PTPRN2: variants seen among roughly 807,000 people sequenced by gnomAD.
PTPRN2 encodes protein tyrosine phosphatase receptor type N2.
Under a neutral mutation model 118.8 loss-of-function variants are expected in PTPRN2, and 74 were observed. That is an observed-to-expected ratio of 0.62 (90% CI 0.52 to 0.76). PTPRN2 has a LOEUF of 0.76. Among genes scored for constraint, PTPRN2 ranks in the 30% least tolerant of loss-of-function variants. The pLI, the probability that PTPRN2 is intolerant of heterozygous loss-of-function variation, is 0.00. For missense variants in PTPRN2, 1,481 were observed against 1,394.4 expected (o/e 1.06, Z -0.99); for synonymous variants, 641 against 608.0 (o/e 1.05, Z -0.80).
chr7:158,270,495 C>T (rs956662856), intron 3 of PTPRN2, among the ~76,000 whole-genome samples: 2 of 152,090 alleles, frequency 1.3e-5, no homozygotes, highest in Non-Finnish European at 2.9e-5. Flanking sequence ...CCATAACGTG[C>T]CCCCGACCCC....
chr7:158,192,204 T>A, intron 5 of PTPRN2, 123 bp downstream of exon 5: 2 of 1,159,308 alleles, frequency 1.7e-6, no homozygotes, highest in South Asian at 2.2e-5. Context: ...GTTCACAGGA[T>A]GCCCGCTGGC....
At chr7:158,493,307 T>C (rs1350558919) in intron 1 of PTPRN2, among the ~76,000 whole-genome samples, 1 of 152,086 alleles carries the variant, frequency 6.6e-6, no homozygotes, top group Non-Finnish European at 1.5e-5. Flanking sequence ...ATGCATGCAG[T>C]CATGCCCATT....
chr7:158,322,074 C>T (rs1057166900), intron 2 of PTPRN2, among the ~76,000 whole-genome samples: 1 of 152,170 alleles, frequency 6.6e-6, no homozygotes, highest in Non-Finnish European at 1.5e-5. Flanking sequence ...TCATCTCTGT[C>T]CCCAGCATTG....
In PTPRN2 at chr7:157,576,631, G is replaced by C. The variant is rs1195381388; in HGVS notation, c.2765C>G (p.Ser922Cys). 1 of 1,612,350 alleles carries C rather than the reference G, an allele frequency of 6.2e-7. No homozygotes were observed. The highest frequency in any genetic ancestry group is 8.5e-7 in the Non-Finnish European group (1 of 1,179,246). The change falls in exon 19 of 23, where the codon TCC becomes TGC. Residue 922 changes from serine (S) to cysteine (C), a missense_variant. Physicochemically the swap from Ser to Cys is moderately radical, Grantham distance 112. Transcript: ENST00000389418. ...GTCATACCTGCGGAAGTCCAGGAGG[G>C]ACCTTGAGGAGGAAGGGACTCCTCG... Reference protein sequence around the residue: ...YDRGVPSSSRSLLDFRRKVNK... With the variant: ...YDRGVPSSSRCLLDFRRKVNK...
intron 11 of PTPRN2, among the ~76,000 whole-genome samples, chr7:157,937,855 C>T (rs1042929144): frequency 6.6e-6 from 1 of 152,200 alleles, no homozygotes; most frequent in African/African-American, 2.4e-5. Context: ...TGACGTGAGC[C>T]CCAGGACAGT....
chr7:157,732,042 G>GC (rs553532366), intron 12 of PTPRN2, among the ~76,000 whole-genome samples: 7 of 66,618 alleles, frequency 1.1e-4, no homozygotes, highest in African/African-American at 3.4e-4. Context: ...TCCGCCCCAT[G>GC]GCCCAGCACA....
At chr7:158,421,926 G>A (rs1457679695) in intron 2 of PTPRN2, among the ~76,000 whole-genome samples, 2 of 152,304 alleles carry the variant, frequency 1.3e-5, no homozygotes, top group East Asian at 3.9e-4. Context: ...TGAACAACTT[G>A]GGCCCACCTT....
At chr7:157,978,716 C>G (rs1802924809) in intron 11 of PTPRN2, among the ~76,000 whole-genome samples, 1 of 151,962 alleles carries the variant, frequency 6.6e-6, no homozygotes, top group Non-Finnish European at 1.5e-5. Flanking sequence ...TCCCCCACTT[C>G]CCTCTGGGAC....
In PTPRN2 at chr7:157,560,198, C is replaced by T. The variant is rs1799115697; in HGVS notation, c.2902+8704G>A. 6.6e-6 allele frequency among the ~76,000 whole-genome samples: 1 copy of T among 152,188 alleles called. No individual in the cohort carries two copies. Among genetic ancestry groups the T allele is most frequent in the Non-Finnish European group, 1.5e-5 (1 of 68,022 alleles). ...CCCCTGCAGCCAGGCTATGTGAACC[C>T]TGGCTCAGCAGGGTCAGCCTGACCC... On this transcript the variant is annotated intron_variant, in intron 21 of 22. Coordinates refer to ENST00000389418, the MANE Select transcript of PTPRN2 (RefSeq NM_002847.5). This position sits in a 1 kb window ranked among gnomAD's most constrained non-coding sequence, Gnocchi z 6.7.
At chr7:157,769,869 G>A (rs535613304) in intron 12 of PTPRN2, among the ~76,000 whole-genome samples, 7 of 152,264 alleles carry the variant, frequency 4.6e-5, no homozygotes, top group African/African-American at 9.6e-5. Context: ...CCTGCCACCC[G>A]CCCCTTTGCA....
intron 2 of PTPRN2, among the ~76,000 whole-genome samples, chr7:158,391,588 C>T (rs964918814): frequency 6.6e-6 from 1 of 152,154 alleles, no homozygotes; most frequent in African/African-American, 2.4e-5. Flanking sequence ...GGAGGAGAGG[C>T]CTTCCCACAT....
intron 3 of PTPRN2, among the ~76,000 whole-genome samples, chr7:158,312,578 C>T (rs1268199646): frequency 6.6e-6 from 1 of 151,594 alleles, no homozygotes; most frequent in African/African-American, 2.4e-5. Context: ...AACCTCCCTA[C>T]TCAAACACTC....
chr7:158,367,595 G>A (rs1274903871), intron 2 of PTPRN2, among the ~76,000 whole-genome samples: 2 of 152,174 alleles, frequency 1.3e-5, no homozygotes, highest in African/African-American at 4.8e-5. Flanking sequence ...CTCCGCGGGC[G>A]AAGGATGACG....
In PTPRN2 at chr7:157,771,723, A is replaced by T. The variant is rs55729435; in HGVS notation, c.1789-88786T>A. ...AACACACAGACACACACGAACACAC[A>T]CAGACGCACAAACAGACGCAGATAC... is the stretch of plus-strand genomic sequence containing the variant. On this transcript the variant is annotated intron_variant, in intron 12 of 22. Coordinates refer to ENST00000389418, the MANE Select transcript of PTPRN2 (RefSeq NM_002847.5). Among the ~76,000 whole-genome samples the T allele has an allele frequency of 3.3e-3, 497 of 152,068 alleles. 3 individuals carry two copies. The highest frequency in any genetic ancestry group is 0.011 in the African/African-American group (471 of 41,456).
intron 3 of PTPRN2, among the ~76,000 whole-genome samples, chr7:158,279,416 G>C (rs1371162642): frequency 6.6e-6 from 1 of 152,124 alleles, no homozygotes; most frequent in Non-Finnish European, 1.5e-5. Context: ...CCTCTCACTG[G>C]TACTCGCTGC....
At chr7:157,717,409 G>A (rs941413989) in intron 12 of PTPRN2, among the ~76,000 whole-genome samples, 2 of 152,226 alleles carry the variant, frequency 1.3e-5, no homozygotes, top group South Asian at 2.1e-4. Context: ...GACATGCATC[G>A]CCACAAGGTC....
At chr7:158,094,500 C>T (rs762803017) in intron 10 of PTPRN2, among the ~76,000 whole-genome samples, 10 of 151,980 alleles carry the variant, frequency 6.6e-5, no homozygotes, top group East Asian at 3.9e-4. Context: ...ATAGAGATGG[C>T]GTTTCACTAT....
intron 5 of PTPRN2, among the ~76,000 whole-genome samples, chr7:158,178,589 CTTTTTTTTTTTTTTTT>C (rs56710690): frequency 3.0e-5 from 2 of 67,390 alleles, no homozygotes; most frequent in Non-Finnish European, 5.5e-5. Flanking sequence ...CATTTTCTTT[CTTTTTTTTTTTTTTTT>C]TTTTTTTTTT....
intron 3 of PTPRN2, among the ~76,000 whole-genome samples, chr7:158,233,501 T>C (rs1829305194): frequency 2.0e-5 from 3 of 152,172 alleles, no homozygotes; most frequent in African/African-American, 7.2e-5. Context: ...CCAAAGCAAT[T>C]GACAGATTCA....
Sources: allele counts gnomAD v4.1 joint callset (sites outside exome capture counted in the v4.1 genomes callset), GRCh38; gene constraint gnomAD v4.1.1; non-coding constraint Gnocchi (gnomAD v3.1); transcripts MANE v1.5; gene names NCBI Gene and HGNC (gene_info 2026-07-23, HGNC 2026-07-21).